Variants in ANKZF1 observed in about 807,000 individuals in gnomAD.
The protein encoded by ANKZF1 is tRNA endonuclease ANKZF1.
In ANKZF1, 84 loss-of-function variants were observed where a neutral mutation model predicts 86.0. That is an observed-to-expected ratio of 0.98 (90% CI 0.82 to 1.17). The LOEUF is 1.17. ANKZF1 is among the 50% of genes most tolerant of loss of function. ANKZF1 has a pLI of 0.00. For synonymous variants in ANKZF1, 331 were observed against 354.2 expected (o/e 0.93, Z 0.74); for missense variants, 893 against 918.4 (o/e 0.97, Z 0.36).
At chr2:219,232,161 C>T (rs1951059312) in intron 3 of ANKZF1, 99 bp from the exon 4 acceptor site, 1 of 1,429,624 alleles carries the variant, frequency 7.0e-7, no homozygotes, top group South Asian at 1.2e-5. Context: ...TTGGTGTTAC[C>T]TGGTTGTACT....
In ANKZF1 at chr2:219,235,507, G is replaced by A. The variant is rs2293077; in HGVS notation, c.1725G>A (p.Ala575=). 1.8e-3 allele frequency: 2,939 copies of A among 1,613,898 alleles called. 24 individuals are homozygous for A. The highest frequency in any genetic ancestry group is 0.016 in the East Asian group (714 of 44,862). Residue 575 remains alanine (A), a synonymous_variant, in exon 11 of 14, where the codon GCG becomes GCA. Transcript: ENST00000323348. ...DSRARPPYTV[A]ADKSTRNEFR... Reference sequence around the variant, plus strand: ...GGGCCCGGCCACCTTATACTGTTGCGGCTGACAAATCAACACGTAATGAGT... The same window carrying A: ...GGGCCCGGCCACCTTATACTGTTGCAGCTGACAAATCAACACGTAATGAGT...
At position 219,232,568 on chromosome 2, in the gene ANKZF1, G is replaced by C. The variant is rs1411697444; in HGVS notation, c.443G>C (p.Arg148Thr). 1.9e-6 allele frequency: 3 copies of C among 1,614,222 alleles called. No individual in the cohort carries two copies. The South Asian group carries it at 3.3e-5, about 18-fold the overall frequency. The change falls in exon 5 of 14, where the codon AGG becomes ACG. Residue 148 changes from arginine (R) to threonine (T), a missense_variant. Arg to Thr is a moderately conservative substitution (Grantham distance 71). Coordinates refer to ENST00000323348, the MANE Select transcript of ANKZF1 (RefSeq NM_018089.3). ...EEDLQTLDRERATFEKLSRPP... is the reference protein window; with the variant it reads ...EEDLQTLDRETATFEKLSRPP... ...GACTTGCAGACACTGGATCGGGAGA[G>C]GGCTACATTTGAGAAGTTGAGCCGA...
Position 219,233,847 on chromosome 2 carries a change from G to C in ANKZF1, c.952G>C (p.Asp318His), listed in dbSNP as rs1444461614. The change falls in exon 8 of 14, where the codon GAT (aspartate) becomes CAT (histidine). Residue 318 changes from aspartate to histidine, a missense_variant. Physicochemically the swap from Asp to His is moderately conservative, Grantham distance 81. Transcript: ENST00000323348. Reference sequence around the variant, plus strand: ...CAAGGGAGCACCCCTGCAAAGGGGGGATCCCCGACTTTGGGATATCCCCCT... The same window carrying C: ...CAAGGGAGCACCCCTGCAAAGGGGGCATCCCCGACTTTGGGATATCCCCCT... ...GGKGAPLQRGDPRLWDIPLAT... is the reference protein window; with the variant it reads ...GGKGAPLQRGHPRLWDIPLAT... 6.2e-7 allele frequency: 1 copy of C among 1,613,424 alleles called. No homozygotes were observed. Among genetic ancestry groups the C allele is most frequent in the Non-Finnish European group, 8.5e-7 (1 of 1,179,770 alleles).
chr2:219,231,839 T>C lies in ANKZF1; in HGVS notation c.149-89T>C, dbSNP rs1264766828. 6.4e-6 allele frequency: 7 copies of C among 1,088,878 alleles called. No homozygotes were observed. In the East Asian group the frequency reaches 1.7e-4, roughly 26 times the overall value. The allele number at this position is 1,088,878 out of a possible 1,614,324, so 67.5% of individuals were successfully genotyped here. ...TCATGCCATCTCTTTTGTATCCTCC[T>C]CTGCTTTGTATATCACACTCTGAAT... On this transcript the variant is annotated intron_variant, in intron 2 of 13. Transcript: ENST00000323348.
At chr2:219,233,487 C>A in intron 7 of ANKZF1, 54 bp downstream of exon 7, 1 of 1,515,772 alleles carries the variant, frequency 6.6e-7, no homozygotes, top group Non-Finnish European at 8.8e-7. Flanking sequence ...TTTTGCATCT[C>A]TGTTCAACTC....
At chr2:219,232,821 G>T (rs1951083322) in intron 5 of ANKZF1, 138 bp downstream of exon 5, 2 of 1,015,104 alleles carry the variant, frequency 2.0e-6, no homozygotes, top group Non-Finnish European at 2.8e-6. Flanking sequence ...ACATAGTCTT[G>T]AATTGAAACT....
At position 219,234,184 on chromosome 2, in the gene ANKZF1, A is replaced by G. The variant is rs774244687; in HGVS notation, c.1100A>G (p.Lys367Arg). ...CTGCACTCACCTCAGACACACTGGA[A>G]AACAGTAAGAGAGGAGAGAAAGAAG... ...VRLHSPQTHW[K>R]TVREERKKPT... is the part of the protein sequence containing the mutation. Residue 367 changes from lysine (K) to arginine (R), a missense_variant, in exon 9 of 14, where the codon AAA (lysine) becomes AGA (arginine). Transcript: ENST00000323348. 2 of 1,614,136 alleles carry G rather than the reference A, an allele frequency of 1.2e-6. No homozygotes were observed. Among genetic ancestry groups the G allele is most frequent in the Non-Finnish European group, 1.7e-6 (2 of 1,180,024 alleles).
intron 3 of ANKZF1, 106 bp downstream of exon 3, chr2:219,232,146 G>GGCAGTTGGTGTTACCTGGTTGTAC (rs1199955143): frequency 1.6e-5 from 22 of 1,408,224 alleles, no homozygotes; most frequent in Non-Finnish European, 2.0e-5. Flanking sequence ...CTTTGACTGA[G>GGCAGTTGGTGTTACCTGGTTGTAC]GCAGTTGGTG....
chr2:219,233,351 A>C lies in ANKZF1; in HGVS notation c.737A>C (p.Gln246Pro). ...YTVRAKRGTA[Q>P]GLRDARGGPS... ...GTTCGGGCCAAGCGGGGCACAGCCC[A>C]GGGGCTTCGGGATGCCCGAGGTGGG... The change falls in exon 7 of 14, where the codon CAG (glutamine) becomes CCG (proline). Residue 246 changes from glutamine to proline, a missense_variant. Transcript: ENST00000323348. The C allele has an allele frequency of 6.2e-7, 1 of 1,614,248 alleles. No individual in the cohort carries two copies.
intron 2 of ANKZF1, 107 bp from the exon 3 acceptor site, chr2:219,231,821 A>AT (rs1444052068): frequency 2.3e-6 from 2 of 884,540 alleles, no homozygotes; most frequent in Non-Finnish European, 3.7e-6. Context: ...GTATCATGCC[A>AT]TCTCTTTTGT....
rs777010161 is a variant in ANKZF1 at position 219,232,359 on chromosome 2, A to C, written c.361A>C (p.Thr121Pro). The C allele has an allele frequency of 6.2e-7, 1 of 1,614,182 alleles. No individual in the cohort carries two copies. Among genetic ancestry groups the C allele is most frequent in the Non-Finnish European group, 8.5e-7 (1 of 1,179,954 alleles). Residue 121 changes from threonine (T) to proline (P), a missense_variant, in exon 4 of 14, where the codon ACA (threonine) becomes CCA (proline). Transcript: ENST00000323348. ...CCTGGACTTTGAAAAGCAGAGCTCC[A>C]CAGGTGATGAGTGGTAGGGGGACCT... ...SALDFEKQSS[T>P]GDLSSISGSE...
chr2:219,236,677 GCACTGTGGCCTTTAGTTCCTTAGGGT>G, exon 14 of ANKZF1: 1 of 561,010 alleles, frequency 1.8e-6, no homozygotes, highest in South Asian at 3.0e-5. Flanking sequence ...ACATTCAGAG[GCACTGTGGCCTTTAGTTCCTTAGGGT>G]CACCGTGGCC....
chr2:219,234,850 G>A lies in ANKZF1; in HGVS notation c.1229G>A (p.Gly410Asp). The A allele has an allele frequency of 6.2e-7, 1 of 1,612,636 alleles. No individual in the cohort carries two copies. The highest frequency in any genetic ancestry group is 1.1e-5 in the South Asian group (1 of 91,060). The change falls in exon 10 of 14, where the codon GGC (glycine) becomes GAC (aspartate). Residue 410 changes from glycine to aspartate, a missense_variant. Gly to Asp is a moderately conservative substitution (Grantham distance 94). Transcript: ENST00000323348. ...GGTTCAGGGTCGGAGGGAGAAGATG[G>A]CTTTCAGGTAGAGTTGGAGCTAGTG... ...KQGSGSEGED[G>D]FQVELELVEL... is the part of the protein sequence containing the mutation.
At chr2:219,231,847 G>T in intron 2 of ANKZF1, 81 bp from the exon 3 acceptor site, 1 of 1,160,596 alleles carries the variant, frequency 8.6e-7, no homozygotes, top group Non-Finnish European at 1.3e-6. Context: ...CCTCTGCTTT[G>T]TATATCACAC....
At chr2:219,230,735 A>G (rs1359780507) in intron 2 of ANKZF1, 1 of 207,180 alleles carries the variant, frequency 4.8e-6, no homozygotes, top group African/African-American at 2.3e-5. Flanking sequence ...ACAATTTATT[A>G]TTTGTTTCGT....
rs1950980100 is a variant in ANKZF1, at chr2:219,229,993, A to AT, written c.-31+98dup. 9 of 371,852 alleles carry AT rather than the reference A, an allele frequency of 2.4e-5. No homozygotes were observed. The South Asian group carries it at 4.4e-4, about 18-fold the overall frequency. 23.0% of individuals were successfully genotyped at this position (371,852 alleles called of 1,614,324 possible). On this transcript the variant is annotated intron_variant, in intron 1 of 13. Coordinates refer to ENST00000323348, the MANE Select transcript of ANKZF1 (RefSeq NM_018089.3). This position sits in a 1 kb window ranked among gnomAD's most constrained non-coding sequence, Gnocchi z 4.2. ...AAAGTTCGGCTAGGCAAGCTCAGTG[A>AT]TTTTTAACTCTGTTGGACTCGATTT...
chr2:219,234,342 C>T, intron 9 of ANKZF1, 54 bp downstream of exon 9: 1 of 1,609,962 alleles, frequency 6.2e-7, no homozygotes, highest in Non-Finnish European at 8.5e-7. Flanking sequence ...TAAAAATGCA[C>T]TGGCAAATTC....
At chr2:219,231,814 T>C (rs976303870) in intron 2 of ANKZF1, 114 bp from the exon 3 acceptor site, 2 of 822,726 alleles carry the variant, frequency 2.4e-6, no homozygotes, top group Non-Finnish European at 4.1e-6. Context: ...GAAGGCAGTA[T>C]CATGCCATCT....
intron 2 of ANKZF1, 164 bp from the exon 3 acceptor site, chr2:219,231,764 T>A (rs1951044077): frequency 3.3e-6 from 2 of 611,756 alleles, no homozygotes; most frequent in African/African-American, 3.7e-5. Flanking sequence ...AAGTGATTGC[T>A]GTACTGTTTA....
Sources: gnomAD v4.1 joint callset for allele counts on GRCh38, gnomAD v4.1.1 for gene constraint, Gnocchi (gnomAD v3.1) non-coding constraint, MANE v1.5 for transcripts, NCBI Gene and HGNC (gene_info 2026-07-23, HGNC 2026-07-21) for gene names.